DOCK4: variants seen among roughly 807,000 people sequenced by gnomAD.
DOCK4 encodes the protein dedicator of cytokinesis 4.
A neutral mutation model predicts 268.1 loss-of-function variants in DOCK4; 97 were observed. The ratio of observed to expected loss-of-function variants is 0.36; its 90% CI spans 0.31 to 0.43. The LOEUF is 0.43. Ranked by LOEUF, DOCK4 falls within the 20% of genes least tolerant of loss-of-function variation. The pLI, the probability that DOCK4 is intolerant of heterozygous loss-of-function variation, is 1.00. For synonymous variants in DOCK4, 954 were observed against 887.2 expected (o/e 1.08, Z -1.34); for missense variants, 2,145 against 2,455.7 (o/e 0.87, Z 2.67).
chr7:111,729,981 G>A (rs1247871459), intron 52 of DOCK4, among the ~76,000 whole-genome samples: 1 of 152,184 alleles, frequency 6.6e-6, no homozygotes, highest in Non-Finnish European at 1.5e-5. Context: ...TAAAGAACTA[G>A]GAGTTCTGGC....
At position 111,944,393 on chromosome 7, in the gene DOCK4, C is replaced by T. The variant is rs6978953; in HGVS notation, c.844+418G>A. Among the ~76,000 whole-genome samples, 522 of 152,078 alleles carry T rather than the reference C, an allele frequency of 3.4e-3. 4 individuals are homozygous for T. The highest frequency in any genetic ancestry group is 0.011 in the African/African-American group (465 of 41,482). Reference sequence around the variant, plus strand: ...TTTTTTGTAGCACCTTCTGGAATAACGCTCTGAAGCATTCTGCACTTTGGA... The same window carrying T: ...TTTTTTGTAGCACCTTCTGGAATAATGCTCTGAAGCATTCTGCACTTTGGA... On this transcript the variant is annotated intron_variant, in intron 10 of 52. Transcript: ENST00000428084.
At chr7:112,000,225 T>C (rs945909393) in intron 3 of DOCK4, among the ~76,000 whole-genome samples, 2 of 152,152 alleles carry the variant, frequency 1.3e-5, no homozygotes, top group African/African-American at 4.8e-5. Flanking sequence ...TCTGAGAAAC[T>C]ACCACTTCAA....
intron 1 of DOCK4, among the ~76,000 whole-genome samples, chr7:112,192,283 G>A (rs1820028326): frequency 6.6e-6 from 1 of 151,924 alleles, no homozygotes; most frequent in Admixed American, 6.6e-5. Flanking sequence ...AAGGGGGAGG[G>A]GAGGGGGAGG....
intron 27 of DOCK4, 25 bp from the exon 28 acceptor site, chr7:111,811,974 T>C (rs1391485754): frequency 7.6e-7 from 1 of 1,310,914 alleles, no homozygotes; most frequent in Admixed American, 2.4e-5. Flanking sequence ...AATGACAAGG[T>C]GAAAACTTCA....
intron 1 of DOCK4, among the ~76,000 whole-genome samples, chr7:112,071,161 A>G (rs1174646283): frequency 6.6e-6 from 1 of 152,182 alleles, no homozygotes; most frequent in African/African-American, 2.4e-5. Flanking sequence ...TTTTAAAATA[A>G]TAGCATTGCT....
intron 1 of DOCK4, among the ~76,000 whole-genome samples, chr7:112,178,457 A>G (rs1818713131): frequency 6.6e-6 from 1 of 152,202 alleles, no homozygotes. Context: ...CCCTGCTCCA[A>G]AGACTTGCTT....
At chr7:112,045,516 A>G (rs540830987) in intron 1 of DOCK4, among the ~76,000 whole-genome samples, 2 of 152,238 alleles carry the variant, frequency 1.3e-5, no homozygotes, top group African/African-American at 4.8e-5. Flanking sequence ...GATTCTCAGT[A>G]AATATTTGTA....
intron 1 of DOCK4, among the ~76,000 whole-genome samples, chr7:112,199,779 G>GT (rs1820758371): frequency 6.6e-6 from 1 of 152,166 alleles, no homozygotes; most frequent in Admixed American, 6.5e-5. Flanking sequence ...CTGTTATAGT[G>GT]ACCAGAGAGT....
At chr7:111,790,665 T>G (rs745346817) in intron 30 of DOCK4, 60 bp from the exon 31 acceptor site, 191 of 1,458,382 alleles carry the variant, frequency 1.3e-4, no homozygotes, top group Non-Finnish European at 1.7e-4. Context: ...TTTCAGAAAT[T>G]AATATCATAA....
At chr7:111,912,957 T>C (rs529562368) in intron 13 of DOCK4, among the ~76,000 whole-genome samples, 1 of 151,950 alleles carries the variant, frequency 6.6e-6, no homozygotes, top group South Asian at 2.1e-4. Context: ...TTTTAGAGCA[T>C]AGAAATTTCC....
chr7:111,892,579 C>T (rs959813321), intron 16 of DOCK4, among the ~76,000 whole-genome samples: 2 of 152,200 alleles, frequency 1.3e-5, no homozygotes, highest in African/African-American at 4.8e-5. Flanking sequence ...TTCCCCACTT[C>T]CCCTAATACC....
At chr7:112,072,463 G>C (rs1381448763) in intron 1 of DOCK4, among the ~76,000 whole-genome samples, 1 of 152,164 alleles carries the variant, frequency 6.6e-6, no homozygotes, top group African/African-American at 2.4e-5. Context: ...CTTATATTTT[G>C]TTGGTAGGAA....
intron 23 of DOCK4, among the ~76,000 whole-genome samples, chr7:111,857,141 T>C (rs1181240553): frequency 6.6e-6 from 1 of 152,196 alleles, no homozygotes; most frequent in Non-Finnish European, 1.5e-5. Context: ...TAGGCACTCA[T>C]CAACTGTAGT....
chr7:111,784,175 A>G, intron 32 of DOCK4, 52 bp from the exon 33 acceptor site: 4 of 1,525,134 alleles, frequency 2.6e-6, no homozygotes. Flanking sequence ...TATCCAAGTC[A>G]TAAAATACAA....
chr7:111,810,383 C>A (rs978923150), intron 28 of DOCK4, among the ~76,000 whole-genome samples: 1 of 151,396 alleles, frequency 6.6e-6, no homozygotes, highest in African/African-American at 2.4e-5. Flanking sequence ...ACCTGGGGGG[C>A]AGAGGTTGCA....
At chr7:111,852,429 C>G (rs1218518626) in intron 23 of DOCK4, among the ~76,000 whole-genome samples, 1 of 151,752 alleles carries the variant, frequency 6.6e-6, no homozygotes, top group Non-Finnish European at 1.5e-5. Context: ...TCATTGCAAG[C>G]CTTCTTTAAA....
At chr7:112,120,279 A>G (rs974755843) in intron 1 of DOCK4, among the ~76,000 whole-genome samples, 15 of 152,160 alleles carry the variant, frequency 9.9e-5, no homozygotes, top group African/African-American at 3.6e-4. Context: ...ATAATTGCAG[A>G]ATTTTTTTTC....
At chr7:111,850,538 C>A (rs1365624325) in intron 23 of DOCK4, among the ~76,000 whole-genome samples, 1 of 152,088 alleles carries the variant, frequency 6.6e-6, no homozygotes, top group East Asian at 1.9e-4. Context: ...CTGTGACCTG[C>A]ACATATATAA....
At chr7:111,817,996 C>T (rs1801686506) in intron 27 of DOCK4, among the ~76,000 whole-genome samples, 1 of 152,202 alleles carries the variant, frequency 6.6e-6, no homozygotes, top group African/African-American at 2.4e-5. Flanking sequence ...CACATCACCA[C>T]CAACCTCCCA....
Sources: allele counts gnomAD v4.1 joint callset (sites outside exome capture counted in the v4.1 genomes callset), GRCh38; gene constraint gnomAD v4.1.1; transcripts MANE v1.5; gene names NCBI Gene and HGNC (gene_info 2026-07-23, HGNC 2026-07-21).